CLSTN2: variants seen among roughly 807,000 people sequenced by gnomAD.
CLSTN2 encodes calsyntenin 2.
A neutral mutation model predicts 101.2 loss-of-function variants in CLSTN2; 48 were observed. The observed-to-expected ratio is 0.47, with a 90% CI of 0.38 to 0.60. The LOEUF (loss-of-function observed/expected upper bound fraction) is 0.60, where lower values mean the gene tolerates loss of function less well. Ranked by LOEUF, CLSTN2 falls within the 20% of genes least tolerant of loss-of-function variation. The pLI is 0.00. For synonymous variants in CLSTN2, 481 were observed against 463.6 expected (o/e 1.04, Z -0.48); for missense variants, 1,160 against 1,238.2 (o/e 0.94, Z 0.95).
chr3:140,284,577 G>A (rs917001914), intron 2 of CLSTN2, among the ~76,000 whole-genome samples: 1 of 152,116 alleles, frequency 6.6e-6, no homozygotes, highest in Non-Finnish European at 1.5e-5. Context: ...CACTCCATCA[G>A]GATGTGCCCA....
chr3:140,422,867 T>TTGAA (rs895231058), intron 5 of CLSTN2, among the ~76,000 whole-genome samples: 6 of 152,064 alleles, frequency 3.9e-5, no homozygotes, highest in African/African-American at 7.3e-5. Context: ...GAAATAGTCA[T>TTGAA]TGAATGAATG....
chr3:140,011,824 C>G (rs1357869900), intron 1 of CLSTN2, among the ~76,000 whole-genome samples: 5 of 151,852 alleles, frequency 3.3e-5, no homozygotes, highest in African/African-American at 4.8e-5. Flanking sequence ...TTGCTGACAC[C>G]AGGGTCCCAG....
At chr3:140,147,777 C>T (rs2009802236) in intron 1 of CLSTN2, among the ~76,000 whole-genome samples, 1 of 152,148 alleles carries the variant, frequency 6.6e-6, no homozygotes, top group Non-Finnish European at 1.5e-5. Flanking sequence ...CCTCGCAACC[C>T]CTAACACAAA....
At chr3:140,278,236 G>A (rs569423576) in intron 2 of CLSTN2, among the ~76,000 whole-genome samples, 1 of 152,306 alleles carries the variant, frequency 6.6e-6, no homozygotes, top group African/African-American at 2.4e-5. Flanking sequence ...AAGAAGTAGG[G>A]CCAGAACCAG....
intron 2 of CLSTN2, among the ~76,000 whole-genome samples, chr3:140,373,108 C>T (rs948864138): frequency 6.6e-6 from 1 of 152,150 alleles, no homozygotes; most frequent in East Asian, 1.9e-4. Flanking sequence ...GCTAAAAAGG[C>T]TCTGAAAAGT....
intron 8 of CLSTN2, among the ~76,000 whole-genome samples, chr3:140,510,436 G>A (rs1934785195): frequency 1.3e-5 from 2 of 152,326 alleles, no homozygotes. Flanking sequence ...ATAAAGGTGT[G>A]CTTACTCTCC....
Position 140,123,854 on chromosome 3 carries a change from A to G in CLSTN2, c.110-52097A>G, listed in dbSNP as rs931950520. On this transcript the variant is annotated intron_variant, in intron 1 of 16. Transcript: ENST00000458420. ...TATGTATGTATATGTGTGTGTGTAT[A>G]TATATATATATGTCTTCTATTTATA... Among the ~76,000 whole-genome samples, 6 of 151,066 alleles carry G rather than the reference A, an allele frequency of 4.0e-5. No individual in the cohort carries two copies. The East Asian group carries it at 5.8e-4, about 15-fold the overall frequency.
rs182823369 is a variant in CLSTN2, at chr3:140,126,632, G to A, written c.110-49319G>A. On this transcript the variant is annotated intron_variant, in intron 1 of 16. Coordinates refer to ENST00000458420, the MANE Select transcript of CLSTN2 (RefSeq NM_022131.3). ...AGGGATACTGGGTGGCATAAAGGGA[G>A]ACACAGTGGGTAGTATGGTCTCTAT... Among the ~76,000 whole-genome samples the A allele has an allele frequency of 1.3e-4, 20 of 152,270 alleles. No homozygotes were observed. The East Asian group carries it at 3.9e-3, about 29-fold the overall frequency.
intron 1 of CLSTN2, among the ~76,000 whole-genome samples, chr3:139,941,727 A>G (rs151099457): frequency 6.6e-6 from 1 of 152,310 alleles, no homozygotes; most frequent in Non-Finnish European, 1.5e-5. Context: ...ACAGGTAAAT[A>G]CAAGGTGGTA....
At chr3:140,367,255 C>G (rs145375771) in intron 2 of CLSTN2, among the ~76,000 whole-genome samples, 3,647 of 151,988 alleles carry the variant, frequency 0.024, 52 homozygotes, top group Middle Eastern at 0.068. Flanking sequence ...TGGCTCACAC[C>G]TGTAATCCCA....
At chr3:140,113,399 AAT>A (rs1231193841) in intron 1 of CLSTN2, among the ~76,000 whole-genome samples, 2 of 152,170 alleles carry the variant, frequency 1.3e-5, no homozygotes. Context: ...CTTGGTCTTC[AAT>A]ATAGTTTCAA....
chr3:140,363,786 C>G (rs764414891), intron 2 of CLSTN2, among the ~76,000 whole-genome samples: 1 of 152,130 alleles, frequency 6.6e-6, no homozygotes, highest in African/African-American at 2.4e-5. Context: ...TTGGGTTTCA[C>G]GAAGACCCTC....
rs567311947 is a variant in CLSTN2 at position 140,566,838 on chromosome 3, C to G, written c.*585C>G. 2 of 153,826 alleles carry G rather than the reference C, an allele frequency of 1.3e-5. No homozygotes were observed. Among genetic ancestry groups the G allele is most frequent in the East Asian group, 1.9e-4 (1 of 5,162 alleles). 9.5% of individuals were successfully genotyped at this position (153,826 alleles called of 1,614,324 possible). ...TCTCTCTCTCTGTCTATCTAGTTCC[C>G]CAGCTTGGAGAGCCTTTCCCCTTGC... On this transcript the variant is annotated 3_prime_UTR_variant, in exon 17 of 17. Transcript: ENST00000458420.
intron 1 of CLSTN2, among the ~76,000 whole-genome samples, chr3:140,110,311 G>A (rs1471155848): frequency 6.6e-6 from 1 of 152,062 alleles, no homozygotes; most frequent in African/African-American, 2.4e-5. Context: ...TATTAACAAA[G>A]GAAATTTTAA....
chr3:140,383,226 G>A (rs746125873), intron 2 of CLSTN2, among the ~76,000 whole-genome samples: 5 of 152,178 alleles, frequency 3.3e-5, no homozygotes, highest in Admixed American at 6.5e-5. Context: ...GTTCAGCTCA[G>A]GGGGACTATG....
chr3:140,409,916 A>G (rs1431840010), intron 4 of CLSTN2, among the ~76,000 whole-genome samples: 2 of 152,080 alleles, frequency 1.3e-5, no homozygotes, highest in Non-Finnish European at 2.9e-5. Context: ...AAAATGCAAT[A>G]GAGAGCTTCA....
chr3:140,546,478 G>A, intron 9 of CLSTN2, 37 bp from the exon 10 acceptor site: 1 of 1,604,106 alleles, frequency 6.2e-7, no homozygotes, highest in South Asian at 1.1e-5. Context: ...TTCCTACCCA[G>A]TCTTCACAGG....
intron 2 of CLSTN2, among the ~76,000 whole-genome samples, chr3:140,288,829 A>T (rs1485558269): frequency 6.6e-6 from 1 of 152,182 alleles, no homozygotes; most frequent in Admixed American, 6.6e-5. Context: ...CAACTGATTC[A>T]TAGCAGCCTG....
chr3:140,276,421 T>C (rs1349118499), intron 2 of CLSTN2, among the ~76,000 whole-genome samples: 1 of 152,084 alleles, frequency 6.6e-6, no homozygotes, highest in Non-Finnish European at 1.5e-5. Context: ...AAGGGTCTAG[T>C]GTAAAGAGAA....
Sources: allele counts gnomAD v4.1 joint callset (sites outside exome capture counted in the v4.1 genomes callset), GRCh38; gene constraint gnomAD v4.1.1; transcripts MANE v1.5; gene names NCBI Gene and HGNC (gene_info 2026-07-23, HGNC 2026-07-21).